Variants in DIDO1 observed in about 807,000 individuals in gnomAD.
DIDO1 encodes the protein death-inducer obliterator 1.
Under a neutral mutation model 99.4 loss-of-function variants are expected in DIDO1, and 16 were observed. The observed-to-expected ratio is 0.16, with a 90% CI of 0.11 to 0.24. DIDO1 has a LOEUF of 0.24. Ranked by LOEUF, DIDO1 falls within the 10% of genes least tolerant of loss-of-function variation. DIDO1 has a pLI of 1.00. For missense variants in DIDO1, 2,996 were observed against 3,014.0 expected (o/e 0.99, Z 0.14); for synonymous variants, 1,366 against 1,239.1 (o/e 1.10, Z -2.15).
intron 15 of DIDO1, among the ~76,000 whole-genome samples, chr20:62,882,618 G>C (rs375073242): frequency 1.0e-5 from 1 of 96,518 alleles, no homozygotes; most frequent in Non-Finnish European, 2.1e-5. Flanking sequence ...GAACGAGCTG[G>C]GAACACACCG....
chr20:62,879,583 G>A lies in DIDO1; in HGVS notation c.6373C>T (p.Arg2125Ter). 6.2e-7 allele frequency: 1 copy of A among 1,602,720 alleles called. No individual in the cohort carries two copies. Among genetic ancestry groups the A allele is most frequent in the Non-Finnish European group, 8.5e-7 (1 of 1,179,532 alleles). The change falls in exon 16 of 16, where the codon CGA becomes TGA. Residue 2125 changes from arginine (R) to a stop codon, truncating the protein, a stop_gained. Coordinates refer to ENST00000395343, the MANE Select transcript of DIDO1 (RefSeq NM_001193369.2). LOFTEE classifies it low-confidence loss of function (END_TRUNC). The surrounding 1 kb of genome is among the most constrained non-coding windows in gnomAD (Gnocchi z 6.3). ...CGGGGCCGGTCCCAGTCCCGCTCTC[G>A]GCTCCAGTTTCGGCCGCGCTCGCGC... is the stretch of plus-strand genomic sequence containing the variant. Reference protein sequence around the residue: ...RERERGRNWSRERDWDRPREW... With the variant: ...RERERGRNWS
intron 15 of DIDO1, chr20:62,890,032 G>A: frequency 1.0e-6 from 1 of 985,328 alleles, no homozygotes. Flanking sequence ...TAGCTAGGGT[G>A]CGGCATGAGG....
At position 62,879,502 on chromosome 20, in the gene DIDO1, C is replaced by T; in HGVS notation, c.6454G>A (p.Glu2152Lys). 6.3e-7 allele frequency: 1 copy of T among 1,596,794 alleles called. No homozygotes were observed. The highest frequency in any genetic ancestry group is 8.5e-7 in the Non-Finnish European group (1 of 1,178,106). ...DSSRDWDRNR[E>K]RSANRDRERE... ...TCTCGGTCGCGGTTGGCGCTCCTCT[C>T]CCGGTTTCTGTCCCAGTCCCGGCTG... is the stretch of plus-strand genomic sequence containing the variant. Residue 2152 changes from glutamate (E) to lysine (K), a missense_variant, in exon 16 of 16, where the codon GAG becomes AAG. Transcript: ENST00000395343. The surrounding 1 kb of genome is among the most constrained non-coding windows in gnomAD (Gnocchi z 6.3).
rs1568845058 is a variant in DIDO1, at chr20:62,894,766, G to C, written c.2436+44C>G. ...AGATAACCTCAAAACATTTGGGATG[G>C]ATTAGTCTATTCTCGGTGAACACAA... On this transcript the variant is annotated intron_variant, in intron 10 of 15. Transcript: ENST00000395343. This position sits in a 1 kb window ranked among gnomAD's most constrained non-coding sequence, Gnocchi z 4.4. The C allele has an allele frequency of 5.1e-6, 8 of 1,571,188 alleles. No individual in the cohort carries two copies. Among genetic ancestry groups the C allele is most frequent in the Non-Finnish European group, 6.9e-6 (8 of 1,152,570 alleles).
chr20:62,926,545 G>A (rs938068372), upstream of DIDO1: 1 of 151,958 alleles, frequency 6.6e-6, no homozygotes, highest in Non-Finnish European at 1.5e-5. Context: ...GGCGGGCGGA[G>A]GACGAGACCG....
Position 62,905,937 on chromosome 20 carries a change from G to C in DIDO1, c.1538C>G (p.Ala513Gly), listed in dbSNP as rs2064792410. ...AGCAGCAGTCTTTTCTGGCTTTACT[G>C]CATTGTAATTGTGATCGCTCGCCCA... ...PSWASDHNYN[A>G]VKPEKTAAPS... The change falls in exon 6 of 16, where the codon GCA becomes GGA. Residue 513 changes from alanine to glycine, a missense_variant. Coordinates refer to ENST00000395343, the MANE Select transcript of DIDO1 (RefSeq NM_001193369.2). 6.2e-7 allele frequency: 1 copy of C among 1,613,960 alleles called. No individual in the cohort carries two copies. The highest frequency in any genetic ancestry group is 8.5e-7 in the Non-Finnish European group (1 of 1,180,024).
chr20:62,881,189 G>A lies in DIDO1; in HGVS notation c.4767C>T (p.Ala1589=). Residue 1589 remains alanine (A), a synonymous_variant, in exon 16 of 16, where the codon GCC becomes GCT. Coordinates refer to ENST00000395343, the MANE Select transcript of DIDO1 (RefSeq NM_001193369.2). The surrounding 1 kb of genome is among the most constrained non-coding windows in gnomAD (Gnocchi z 8.3). ...CCCTGGAAGCATCTCTCTCGGGCAGGGCACCCTGGGCACCACGTGCCGAGA... is the reference window on the plus strand; with the variant it reads ...CCCTGGAAGCATCTCTCTCGGGCAGAGCACCCTGGGCACCACGTGCCGAGA... The part of the protein sequence containing the change: ...SRLSARGAQG[A]LPERDASRGG... 6.2e-7 allele frequency: 1 copy of A among 1,607,384 alleles called. No homozygotes were observed. The highest frequency in any genetic ancestry group is 1.1e-5 in the South Asian group (1 of 90,986).
At chr20:62,893,556 T>C (rs1318294977) in intron 12 of DIDO1, 110 bp downstream of exon 12, 16 of 1,283,348 alleles carry the variant, frequency 1.2e-5, no homozygotes, top group Non-Finnish European at 1.7e-5. Flanking sequence ...AGAGTGAAGC[T>C]GTATTTCAGG....
chr20:62,915,001 C>T (rs1450086820), intron 1 of DIDO1, among the ~76,000 whole-genome samples: 2 of 152,184 alleles, frequency 1.3e-5, no homozygotes, highest in Non-Finnish European at 2.9e-5. Context: ...AGTCACATCA[C>T]AACACTCAAA....
chr20:62,910,537 G>A (rs1278833280), intron 3 of DIDO1, among the ~76,000 whole-genome samples: 1 of 152,234 alleles, frequency 6.6e-6, no homozygotes, highest in Non-Finnish European at 1.5e-5. Context: ...CTGGGGTGGG[G>A]CGCTATTCAC....
In DIDO1 at chr20:62,894,757, T is replaced by C. The variant is rs1326596405; in HGVS notation, c.2436+53A>G. On this transcript the variant is annotated intron_variant, in intron 10 of 15. Transcript: ENST00000395343. The surrounding 1 kb of genome is among the most constrained non-coding windows in gnomAD (Gnocchi z 4.4). ...AATAATTTAAGATAACCTCAAAACA[T>C]TTGGGATGGATTAGTCTATTCTCGG... The C allele has an allele frequency of 1.3e-6, 2 of 1,558,056 alleles. No individual in the cohort carries two copies. Among genetic ancestry groups the C allele is most frequent in the African/African-American group, 2.8e-5 (2 of 72,442 alleles).
intron 15 of DIDO1, among the ~76,000 whole-genome samples, 191 bp from the exon 16 acceptor site, chr20:62,882,605 C>CGGGAACGCACCGCCCT (rs1555837514): frequency 6.6e-6 from 1 of 152,268 alleles, no homozygotes; most frequent in East Asian, 1.9e-4. Context: ...CGCACCGCCC[C>CGGGAACGCACCGCCCT]GGGAACGAGC....
Position 62,881,001 on chromosome 20 carries a change from G to C in DIDO1, c.4955C>G (p.Ala1652Gly), listed in dbSNP as rs556474293. The C allele has an allele frequency of 3.1e-5, 50 of 1,605,614 alleles. 1 individual carries two copies. In the African/African-American group the frequency reaches 5.3e-4, roughly 17 times the overall value. Residue 1652 changes from alanine (A) to glycine (G), a missense_variant, in exon 16 of 16, where the codon GCC becomes GGC. Coordinates refer to ENST00000395343, the MANE Select transcript of DIDO1 (RefSeq NM_001193369.2). This position sits in a 1 kb window ranked among gnomAD's most constrained non-coding sequence, Gnocchi z 8.3. ...CAGCAGCACCCTCCGGGCAGGCCTG[G>C]CCGAGCTGTCTCCAACCGTGGCGGG... is the stretch of plus-strand genomic sequence containing the variant. ...TRPATVGDSSARPARRVLLPT... is the reference protein window; with the variant it reads ...TRPATVGDSSGRPARRVLLPT...
Position 62,909,779 on chromosome 20 carries a change from T to C in DIDO1, c.1081A>G (p.Ser361Gly), listed in dbSNP as rs1307630481. 13 of 1,614,156 alleles carry C rather than the reference T, an allele frequency of 8.1e-6. No homozygotes were observed. Among genetic ancestry groups the C allele is most frequent in the Non-Finnish European group, 1.0e-5 (12 of 1,180,054 alleles). The change falls in exon 4 of 16, where the codon AGC becomes GGC. Residue 361 changes from serine (S) to glycine (G), a missense_variant. Ser to Gly is a moderately conservative substitution (Grantham distance 56). Transcript: ENST00000395343. ...TSIGTIEQKS[S>G]EDQGIKGRIE... The stretch of plus-strand genomic sequence containing the variant: ...CTACCCTTTATCCCTTGGTCTTCGC[T>C]AGACTTCTGCTCTATTGTTCCTATA...
At chr20:62,925,394 CCATGGAA>C (rs2065232604) in intron 1 of DIDO1, among the ~76,000 whole-genome samples, 1 of 152,152 alleles carries the variant, frequency 6.6e-6, no homozygotes, top group African/African-American at 2.4e-5. Context: ...CCTACGGAAA[CCATGGAA>C]CACGGGGTAT....
chr20:62,910,125 T>C (rs1447492829), intron 3 of DIDO1, 105 bp from the exon 4 acceptor site: 17 of 1,212,458 alleles, frequency 1.4e-5, no homozygotes, highest in Admixed American at 1.0e-4. Context: ...AATGCAAATA[T>C]ACAGAAAAGT....
chr20:62,887,641 A>G (rs2064317247), intron 15 of DIDO1: 1 of 985,398 alleles, frequency 1.0e-6, no homozygotes, highest in African/African-American at 1.7e-5. Flanking sequence ...GGGGCTGGGC[A>G]TGGTTAACAG....
In DIDO1 at chr20:62,896,141, A is replaced by C; in HGVS notation, c.2214+92T>G. 1 of 1,305,982 alleles carries C rather than the reference A, an allele frequency of 7.7e-7. No individual in the cohort carries two copies. The highest frequency in any genetic ancestry group is 1.1e-6 in the Non-Finnish European group (1 of 950,362). 80.9% of individuals were successfully genotyped at this position (1,305,982 alleles called of 1,614,324 possible). On this transcript the variant is annotated intron_variant, in intron 8 of 15. Coordinates refer to ENST00000395343, the MANE Select transcript of DIDO1 (RefSeq NM_001193369.2). The surrounding 1 kb of genome is among the most constrained non-coding windows in gnomAD (Gnocchi z 4.4). ...AAAGAAACGTCTTAGCTTTCCTGGA[A>C]AGGACACGAACATCTCAAAATATTG...
chr20:62,923,107 TCCTCTGG>T (rs573807581), intron 1 of DIDO1, among the ~76,000 whole-genome samples: 44 of 152,136 alleles, frequency 2.9e-4, no homozygotes, highest in African/African-American at 8.9e-4. Flanking sequence ...CTTCAAGGGG[TCCTCTGG>T]CCTCTGGCCT....
Sources: gnomAD v4.1 joint callset for allele counts (sites outside exome capture counted in the v4.1 genomes callset) on GRCh38, gnomAD v4.1.1 for gene constraint, Gnocchi (gnomAD v3.1) non-coding constraint, MANE v1.5 for transcripts, NCBI Gene and HGNC (gene_info 2026-07-23, HGNC 2026-07-21) for gene names.